BAZ1B: variants seen among roughly 807,000 people sequenced by gnomAD.
BAZ1B encodes tyrosine-protein kinase BAZ1B.
BAZ1B carries 22 observed loss-of-function variants against 153.8 expected under a neutral mutation model. The ratio of observed to expected loss-of-function variants is 0.14; its 90% CI spans 0.10 to 0.20. BAZ1B has a LOEUF of 0.20. Among genes scored for constraint, BAZ1B ranks in the 10% least tolerant of loss-of-function variants. The pLI is 1.00. For missense variants in BAZ1B, 1,325 were observed against 1,799.3 expected (o/e 0.74, Z 4.77); for synonymous variants, 676 against 633.4 (o/e 1.07, Z -1.01).
intron 1 of BAZ1B, among the ~76,000 whole-genome samples, chr7:73,520,750 A>G (rs1791002400): frequency 6.6e-6 from 1 of 152,234 alleles, no homozygotes. Context: ...GAGAAATGAA[A>G]TAACTCTGAG....
chr7:73,493,716 C>A (rs1789749697), intron 4 of BAZ1B, among the ~76,000 whole-genome samples: 1 of 151,474 alleles, frequency 6.6e-6, no homozygotes, highest in African/African-American at 2.4e-5. Flanking sequence ...GTGGCACATG[C>A]CTGTAGTCAC....
At chr7:73,461,279 C>G (rs902940416) in intron 12 of BAZ1B, among the ~76,000 whole-genome samples, 2 of 152,016 alleles carry the variant, frequency 1.3e-5, no homozygotes, top group Non-Finnish European at 2.9e-5. Context: ...CCCGCATGAA[C>G]AAGACCTATC....
chr7:73,469,925 C>T (rs1377436691), intron 8 of BAZ1B, among the ~76,000 whole-genome samples: 1 of 152,100 alleles, frequency 6.6e-6, no homozygotes, highest in Admixed American at 6.5e-5. Flanking sequence ...CCGGGCTGGT[C>T]TTGAACTCCT....
At chr7:73,480,017 A>G (rs1396236755) in intron 6 of BAZ1B, among the ~76,000 whole-genome samples, 2 of 151,984 alleles carry the variant, frequency 1.3e-5, no homozygotes, top group African/African-American at 4.8e-5. Flanking sequence ...AAAATCAAAA[A>G]AATTAGCCAG....
intron 6 of BAZ1B, among the ~76,000 whole-genome samples, chr7:73,486,296 C>T (rs1789402747): frequency 6.6e-6 from 1 of 152,034 alleles, no homozygotes; most frequent in African/African-American, 2.4e-5. Context: ...CCCACGTAAG[C>T]CCTCACTATG....
At chr7:73,459,465 G>C (rs1788319562) in intron 13 of BAZ1B, 71 bp downstream of exon 13, 3 of 1,500,020 alleles carry the variant, frequency 2.0e-6, no homozygotes, top group Non-Finnish European at 2.7e-6. Flanking sequence ...AAATGCATAG[G>C]GTTAGATTAT....
chr7:73,508,954 A>G (rs529157206), intron 2 of BAZ1B, among the ~76,000 whole-genome samples: 126 of 150,826 alleles, frequency 8.4e-4, no homozygotes, highest in Non-Finnish European at 1.3e-3. Context: ...CGGAGCTTAC[A>G]GTGAGCCGAG....
intron 6 of BAZ1B, among the ~76,000 whole-genome samples, chr7:73,480,157 C>CAA (rs112891160): frequency 6.9e-4 from 64 of 93,298 alleles, no homozygotes; most frequent in Admixed American, 2.0e-3. Flanking sequence ...GACTCTGCCT[C>CAA]AAAAAAAAAA....
rs143128948 is a variant in BAZ1B, at chr7:73,489,054, T to C, written c.891+140A>G. ...TACCAACCTCACATAACAACCTGTATGTAACAGATATACCTGAAAAATTTT... is the reference window on the plus strand; with the variant it reads ...TACCAACCTCACATAACAACCTGTACGTAACAGATATACCTGAAAAATTTT... On this transcript the variant is annotated intron_variant, in intron 6 of 19. Transcript: ENST00000339594. 1,669 of 773,966 alleles carry C rather than the reference T, an allele frequency of 2.2e-3. 26 individuals carry two copies. The African/African-American group carries it at 0.028, about 13-fold the overall frequency. The allele number at this position is 773,966 out of a possible 1,614,324, so 47.9% of individuals were successfully genotyped here.
At chr7:73,447,416 T>C in intron 15 of BAZ1B, 37 bp from the exon 16 acceptor site, 2 of 1,581,086 alleles carry the variant, frequency 1.3e-6, no homozygotes, top group Non-Finnish European at 1.7e-6. Flanking sequence ...AACACAGTTT[T>C]AGCCCAAAGT....
intron 1 of BAZ1B, among the ~76,000 whole-genome samples, chr7:73,519,230 AAGGT>A (rs1173456887): frequency 6.6e-6 from 1 of 152,224 alleles, no homozygotes; most frequent in African/African-American, 2.4e-5. Flanking sequence ...ATGCAATCAA[AAGGT>A]AGGTATTAAA....
Position 73,492,802 on chromosome 7 carries a change from T to G in BAZ1B, c.691A>C (p.Lys231Gln). The change falls in exon 5 of 20, where the codon AAG becomes CAG. Residue 231 changes from lysine to glutamine, a missense_variant and splice_region_variant. Lys to Gln is a moderately conservative substitution (Grantham distance 53). This residue lies in a region of BAZ1B where 153 missense variants were observed against 204.8 expected (regional missense o/e 0.75). Coordinates refer to ENST00000339594, the MANE Select transcript of BAZ1B (RefSeq NM_032408.4). ...TAAAAAGTAAAGTGTCAACTAACCT[T>G]ATCTTCATTTTGTAGTTTCACATCA... is the stretch of plus-strand genomic sequence containing the variant. The part of the protein sequence containing the change: ...KYDVKLQNED[K>Q]IISNVPADSL... The G allele has an allele frequency of 6.2e-7, 1 of 1,602,830 alleles. No individual in the cohort carries two copies. Among genetic ancestry groups the G allele is most frequent in the Non-Finnish European group, 8.5e-7 (1 of 1,176,432 alleles).
At chr7:73,446,874 C>G (rs1428122381) in intron 16 of BAZ1B, among the ~76,000 whole-genome samples, 1 of 152,252 alleles carries the variant, frequency 6.6e-6, no homozygotes, top group East Asian at 1.9e-4. Context: ...AAGTCACTCT[C>G]TGAAAGCAGC....
At chr7:73,444,762 C>G (rs1025658502) in intron 16 of BAZ1B, among the ~76,000 whole-genome samples, 2 of 152,202 alleles carry the variant, frequency 1.3e-5, no homozygotes, top group Non-Finnish European at 2.9e-5. Context: ...CACATGTAAT[C>G]CCACCACTTT....
chr7:73,451,032 G>A (rs1554568061), intron 13 of BAZ1B, 38 bp from the exon 14 acceptor site: 3 of 1,602,244 alleles, frequency 1.9e-6, no homozygotes, highest in Non-Finnish European at 2.6e-6. Flanking sequence ...TTACTACACT[G>A]ACCAAAGACA....
At chr7:73,473,200 G>C (rs782654103) in intron 7 of BAZ1B, among the ~76,000 whole-genome samples, 1 of 152,122 alleles carries the variant, frequency 6.6e-6, no homozygotes, top group Non-Finnish European at 1.5e-5. Flanking sequence ...TCAGCCTCCC[G>C]AAGTGTAGGA....
chr7:73,449,738 C>T, intron 14 of BAZ1B, 49 bp from the exon 15 acceptor site: 1 of 1,591,300 alleles, frequency 6.3e-7, no homozygotes, highest in Non-Finnish European at 8.6e-7. Context: ...CAGCAGCAGT[C>T]AATGAGCTGT....
intron 3 of BAZ1B, among the ~76,000 whole-genome samples, 186 bp downstream of exon 3, chr7:73,508,141 T>A (rs1554578071): frequency 2.0e-5 from 3 of 152,042 alleles, no homozygotes; most frequent in Non-Finnish European, 4.4e-5. Context: ...GGCGACAGAG[T>A]GAGACTCCAT....
intron 1 of BAZ1B, 152 bp downstream of exon 1, chr7:73,521,675 G>C (rs1483358595): frequency 2.0e-6 from 1 of 506,100 alleles, no homozygotes; most frequent in African/African-American, 2.1e-5. Context: ...GGCGGGCGCA[G>C]GCTGAGACTC....
Sources: gnomAD v4.1 joint callset for allele counts (sites outside exome capture counted in the v4.1 genomes callset) on GRCh38, gnomAD v4.1.1 for gene constraint, gnomAD v4.1.1 regional missense constraint, MANE v1.5 for transcripts, NCBI Gene and HGNC (gene_info 2026-07-23, HGNC 2026-07-21) for gene names.